The following PRKCQ variants were observed in gnomAD, a reference collection of about 807,000 sequenced individuals.
PRKCQ encodes protein kinase C theta, also known as protein kinase C theta type.
In PRKCQ, 41 loss-of-function variants were observed where a neutral mutation model predicts 91.2. That is an observed-to-expected ratio of 0.45 (90% CI 0.35 to 0.58). PRKCQ has a LOEUF of 0.58. Ranked by LOEUF, PRKCQ falls within the 20% of genes least tolerant of loss-of-function variation. PRKCQ has a pLI of 0.00. For missense variants in PRKCQ, 673 were observed against 896.5 expected (o/e 0.75, Z 3.18); for synonymous variants, 307 against 316.9 (o/e 0.97, Z 0.33).
chr10:6,402,794 C>T, the PRKCQ span, among the ~76,000 whole-genome samples: 6 of 152,288 alleles, frequency 3.9e-5, no homozygotes, highest in African/African-American at 1.4e-4. Flanking sequence ...CCTGTAGTCC[C>T]AGCTACTTTG....
At chr10:6,556,113 C>A (rs1840404013) in intron 1 of PRKCQ, among the ~76,000 whole-genome samples, 1 of 152,070 alleles carries the variant, frequency 6.6e-6, no homozygotes, top group Non-Finnish European at 1.5e-5. Context: ...ATTCCTTTTT[C>A]TTATCCCATG....
intron 8 of PRKCQ, chr10:6,489,328 T>C (rs537822079): frequency 4.2e-6 from 2 of 480,030 alleles, no homozygotes; most frequent in South Asian, 3.1e-5. Flanking sequence ...GGCTTCTCTG[T>C]GACTTGCATG....
chr10:6,499,785 C>A (rs757561618), intron 4 of PRKCQ, among the ~76,000 whole-genome samples: 1 of 152,182 alleles, frequency 6.6e-6, no homozygotes, highest in Non-Finnish European at 1.5e-5. Context: ...CCTGACAATG[C>A]GTTTGGGGCA....
intron 12 of PRKCQ, among the ~76,000 whole-genome samples, chr10:6,471,351 C>G (rs1490280182): frequency 1.3e-5 from 2 of 152,186 alleles, no homozygotes; most frequent in African/African-American, 4.8e-5. Context: ...CTTTCTGGGT[C>G]ACGTAAGCTG....
intron 1 of PRKCQ, among the ~76,000 whole-genome samples, chr10:6,534,795 T>TATATAG (rs1839517524): frequency 7.9e-6 from 1 of 127,264 alleles, no homozygotes; most frequent in African/African-American, 3.0e-5. Context: ...TATATATAGA[T>TATATAG]ATATATATAT....
At chr10:6,542,745 G>A (rs1024056629) in intron 1 of PRKCQ, among the ~76,000 whole-genome samples, 4 of 152,080 alleles carry the variant, frequency 2.6e-5, no homozygotes, top group East Asian at 1.9e-4. Flanking sequence ...TTGACGTTAC[G>A]AGGTCTCTTG....
At chr10:6,462,217 G>T in intron 14 of PRKCQ, 86 bp downstream of exon 14, 1 of 1,243,810 alleles carries the variant, frequency 8.0e-7, no homozygotes, top group South Asian at 1.2e-5. Context: ...CACATGGGCT[G>T]TCTCACAGCA....
intron 17 of PRKCQ, among the ~76,000 whole-genome samples, chr10:6,428,575 C>A (rs995915056): frequency 5.3e-5 from 8 of 152,114 alleles, no homozygotes; most frequent in Non-Finnish European, 1.0e-4. Flanking sequence ...AATATAAATT[C>A]ATAAATTCAC....
chr10:6,479,231 A>C (rs1836444847), intron 11 of PRKCQ, 66 bp from the exon 12 acceptor site: 5 of 1,555,890 alleles, frequency 3.2e-6, no homozygotes, highest in Non-Finnish European at 4.4e-6. Flanking sequence ...AAAAAGAGAC[A>C]GAGTCCTGAG....
At position 6,496,985 on chromosome 10, in the gene PRKCQ, A is replaced by G. The variant is rs375514626; in HGVS notation, c.660+50T>C. ...GAAGAATTCGTGGGCTGTAACATTT[A>G]ACGTTCTGATAAAAATCACTGCACG... On this transcript the variant is annotated intron_variant, in intron 7 of 17. Transcript: ENST00000263125. The G allele has an allele frequency of 3.9e-4, 598 of 1,521,700 alleles. 2 individuals are homozygous for G. Among genetic ancestry groups the G allele is most frequent in the Admixed American group, 6.2e-4 (37 of 59,714 alleles). 94.3% of individuals were successfully genotyped at this position (1,521,700 alleles called of 1,614,324 possible). A position where few individuals can be genotyped will look rare whatever the true frequency, so the allele number is the denominator to read the frequency against.
intron 16 of PRKCQ, among the ~76,000 whole-genome samples, chr10:6,432,390 T>A (rs760498347): frequency 6.6e-6 from 1 of 152,174 alleles, no homozygotes; most frequent in South Asian, 2.1e-4. Flanking sequence ...TTCGCTTTTT[T>A]AAAAAAAAGT....
At position 6,498,510 on chromosome 10, in the gene PRKCQ, T is replaced by C. The variant is rs1381766788; in HGVS notation, c.428A>G (p.His143Arg). The change falls in exon 5 of 18, where the codon CAT becomes CGT. Residue 143 changes from histidine (H) to arginine (R), a missense_variant. By Grantham distance (29) the His-to-Arg change is conservative. Transcript: ENST00000263125. ...CTGCTTGATGGCACCCCGGCGCTGA[T>C]GCAAAGCAAAGAAGCCTTCCGTCTC... ...EFETEGFFAL[H>R]QRRGAIKQAK... 6 of 1,614,152 alleles carry C rather than the reference T, an allele frequency of 3.7e-6. No individual in the cohort carries two copies. Among genetic ancestry groups the C allele is most frequent in the East Asian group, 4.5e-5 (2 of 44,878 alleles).
the PRKCQ span, among the ~76,000 whole-genome samples, chr10:6,399,319 A>G: frequency 6.6e-6 from 1 of 152,218 alleles, no homozygotes; most frequent in African/African-American, 2.4e-5. Context: ...ATAAACACAC[A>G]GACTCAGAAT....
chr10:6,417,408 TGTG>T, the PRKCQ span, among the ~76,000 whole-genome samples: 1 of 152,244 alleles, frequency 6.6e-6, no homozygotes, highest in Admixed American at 6.5e-5. Context: ...ACAATAACCT[TGTG>T]GTGATTATTA....
At chr10:6,498,251 T>G in intron 5 of PRKCQ, 145 bp downstream of exon 5, 1 of 1,054,248 alleles carries the variant, frequency 9.5e-7, no homozygotes, top group Non-Finnish European at 1.4e-6. Flanking sequence ...TTGAACCTTC[T>G]CAGTTCAGGC....
chr10:6,513,843 T>C (rs1254716619), intron 2 of PRKCQ, among the ~76,000 whole-genome samples: 1 of 152,314 alleles, frequency 6.6e-6, no homozygotes, highest in African/African-American at 2.4e-5. Context: ...TGAGTCAGTT[T>C]CTTCTTGTAT....
At chr10:6,554,446 T>C (rs544537518) in intron 1 of PRKCQ, among the ~76,000 whole-genome samples, 3 of 152,318 alleles carry the variant, frequency 2.0e-5, no homozygotes, top group Non-Finnish European at 4.4e-5. Flanking sequence ...TTAGAGGGTG[T>C]TAGCTTAGTT....
rs141892756 is a variant in PRKCQ, at chr10:6,434,252, G to T, written c.1837-3314C>A. On this transcript the variant is annotated intron_variant, in intron 16 of 17. Coordinates refer to ENST00000263125, the MANE Select transcript of PRKCQ (RefSeq NM_006257.5). Reference sequence around the variant, plus strand: ...TCAGCAAAGTAGGCTGGAAGTAACTGCCCTGGGCCGTGTGTGCTGCAGGCT... The same window carrying T: ...TCAGCAAAGTAGGCTGGAAGTAACTTCCCTGGGCCGTGTGTGCTGCAGGCT... Among the ~76,000 whole-genome samples the T allele has an allele frequency of 7.6e-3, 1,163 of 152,254 alleles. 18 individuals carry two copies. The highest frequency in any genetic ancestry group is 0.027 in the African/African-American group (1,116 of 41,530).
chr10:6,428,213 T>G lies in PRKCQ; in HGVS notation c.2115A>C (p.Ile705=). 6.2e-7 allele frequency: 1 copy of G among 1,614,172 alleles called. No homozygotes were observed. The highest frequency in any genetic ancestry group is 8.5e-7 in the Non-Finnish European group (1 of 1,180,026). The change falls in exon 18 of 18, where the codon ATA becomes ATC. Residue 705 remains isoleucine (I), a synonymous_variant. Transcript: ENST00000263125. The part of the protein sequence containing the change: ...SFMNPGMERL[I]S ...GTCTCTGGAGGGGCAAGATTCAGGA[T>G]ATCAGCCGCTCCATCCCGGGGTTCA...
Sources: gnomAD v4.1 joint callset for allele counts (sites outside exome capture counted in the v4.1 genomes callset) on GRCh38, gnomAD v4.1.1 for gene constraint, MANE v1.5 for transcripts, NCBI Gene and HGNC (gene_info 2026-07-23, HGNC 2026-07-21) for gene names.